LOXL1: variants seen among roughly 807,000 people sequenced by gnomAD.
LOXL1 encodes the protein lysyl oxidase like 1, also known as lysyl oxidase homolog 1.
A neutral mutation model predicts 62.2 loss-of-function variants in LOXL1; 31 were observed. The ratio of observed to expected loss-of-function variants is 0.50; its 90% CI spans 0.37 to 0.67. The LOEUF (loss-of-function observed/expected upper bound fraction) is 0.67, where lower values mean the gene tolerates loss of function less well. LOXL1 is among the 30% of genes least tolerant of loss of function. The pLI, the probability that LOXL1 is intolerant of heterozygous loss-of-function variation, is 0.00. For missense variants in LOXL1, 775 were observed against 843.4 expected (o/e 0.92, Z 1.00); for synonymous variants, 403 against 384.4 (o/e 1.05, Z -0.56).
chr15:73,942,032 A>AG, intron 1 of LOXL1: 1 of 180,418 alleles, frequency 5.5e-6, no homozygotes, highest in South Asian at 7.3e-5. Context: ...CAGGCCTTGC[A>AG]GGGGAGAGAG....
intron 2 of LOXL1, among the ~76,000 whole-genome samples, chr15:73,944,687 T>G (rs11638420): frequency 1.8e-3 from 279 of 152,312 alleles, no homozygotes; most frequent in Non-Finnish European, 3.1e-3. Flanking sequence ...ATTCCAAGTC[T>G]CACCACCAGT....
intron 1 of LOXL1, among the ~76,000 whole-genome samples, chr15:73,936,908 T>A (rs1712912976): frequency 1.3e-5 from 2 of 152,262 alleles, no homozygotes; most frequent in Non-Finnish European, 2.9e-5. Context: ...GGGAATGAAC[T>A]GAACAGCTCC....
chr15:73,926,662 C>T lies in LOXL1; in HGVS notation c.-122C>T. The T allele has an allele frequency of 1.7e-6, 2 of 1,180,304 alleles. No individual in the cohort carries two copies. Among genetic ancestry groups the T allele is most frequent in the Non-Finnish European group, 2.2e-6 (2 of 903,166 alleles). The allele number at this position is 1,180,304 out of a possible 1,614,324, so 73.1% of individuals were successfully genotyped here. A position where few individuals can be genotyped will look rare whatever the true frequency, so the allele number is the denominator to read the frequency against. Reference sequence around the variant, plus strand: ...CCGCTCGGGACAAGGCCAGCATGGACAAAGCTAGAGCTGGGGCAAGCAAGG... The same window carrying T: ...CCGCTCGGGACAAGGCCAGCATGGATAAAGCTAGAGCTGGGGCAAGCAAGG... On this transcript the variant is annotated 5_prime_UTR_variant, in exon 1 of 7. The change creates a premature stop within an existing upstream ORF in the 5' untranslated region. Transcript: ENST00000261921.
At chr15:73,928,269 C>G (rs2068607111) in intron 1 of LOXL1, 1 of 191,728 alleles carries the variant, frequency 5.2e-6, no homozygotes, top group Admixed American at 6.1e-5. Context: ...TCTCCTTCCC[C>G]CCTTAGAGAT....
chr15:73,948,899 G>A (rs1048449141), intron 5 of LOXL1, among the ~76,000 whole-genome samples: 5 of 152,202 alleles, frequency 3.3e-5, no homozygotes, highest in African/African-American at 1.2e-4. Flanking sequence ...GTTCTTAGAT[G>A]TTCTGCAAAT....
intron 1 of LOXL1, among the ~76,000 whole-genome samples, chr15:73,931,597 G>C (rs1480170440): frequency 1.3e-5 from 2 of 152,050 alleles, no homozygotes; most frequent in African/African-American, 4.8e-5. Flanking sequence ...CACATGCAAG[G>C]GTGTTTCTAG....
chr15:73,942,777 A>G, intron 1 of LOXL1, 77 bp from the exon 2 acceptor site: 1 of 882,398 alleles, frequency 1.1e-6, no homozygotes, highest in Non-Finnish European at 1.9e-6. Flanking sequence ...GTCTCTGGGC[A>G]TTAGCAGTGG....
At chr15:73,940,634 TC>T (rs1267824769) in intron 1 of LOXL1, among the ~76,000 whole-genome samples, 1 of 151,810 alleles carries the variant, frequency 6.6e-6, no homozygotes, top group Admixed American at 6.6e-5. Flanking sequence ...TGGTGTGTGA[TC>T]AGGGTCAAGG....
intron 6 of LOXL1, among the ~76,000 whole-genome samples, chr15:73,951,325 A>C (rs1227689175): frequency 6.6e-6 from 1 of 152,128 alleles, no homozygotes; most frequent in Non-Finnish European, 1.5e-5. Flanking sequence ...CCTTCCTTCC[A>C]AGAGCTCTTT....
rs772006440 is a variant in LOXL1, at chr15:73,927,232, G to C, written c.449G>C (p.Arg150Pro). 6.3e-7 allele frequency: 1 copy of C among 1,596,990 alleles called. No individual in the cohort carries two copies. Among genetic ancestry groups the C allele is most frequent in the Non-Finnish European group, 8.5e-7 (1 of 1,176,426 alleles). Residue 150 changes from arginine (R) to proline (P), a missense_variant, in exon 1 of 7, where the codon CGG (arginine) becomes CCG (proline). Coordinates refer to ENST00000261921, the MANE Select transcript of LOXL1 (RefSeq NM_005576.4). ...ARARTSVSQQ[R>P]HGGSASSVSA... ...GCCCGCACCTCCGTCTCCCAGCAAC[G>C]GCACGGGGGCTCCGCCTCCTCGGTC...
Position 73,927,107 on chromosome 15 carries a change from G to C in LOXL1, c.324G>C (p.Ser108=), listed in dbSNP as rs1387850445. The C allele has an allele frequency of 5.2e-6, 7 of 1,343,904 alleles. No homozygotes were observed. Among genetic ancestry groups the C allele is most frequent in the Middle Eastern group, 2.5e-4 (1 of 4,072 alleles). The allele number at this position is 1,343,904 out of a possible 1,614,324, so 83.2% of individuals were successfully genotyped here. A position where few individuals can be genotyped will look rare whatever the true frequency, so the allele number is the denominator to read the frequency against. Residue 108 remains serine, a synonymous_variant, in exon 1 of 7, where the codon TCG becomes TCC. Coordinates refer to ENST00000261921, the MANE Select transcript of LOXL1 (RefSeq NM_005576.4). ...PSLPLPGRVG[S]DTVRGQARHP... is the part of the protein sequence containing the mutation. ...TGCCCCTGCCGGGGCGCGTGGGCTC[G>C]GACACCGTGCGCGGCCAGGCGCGGC...
chr15:73,951,930 A>G lies in LOXL1; in HGVS notation c.*93A>G. On this transcript the variant is annotated 3_prime_UTR_variant, in exon 7 of 7. Coordinates refer to ENST00000261921, the MANE Select transcript of LOXL1 (RefSeq NM_005576.4). ...CGCCGAGGGGCCCAGCCCCCAACCC[A>G]CAGGCACGGAGGGGCATCCCTCCCT... is the stretch of plus-strand genomic sequence containing the variant. The G allele has an allele frequency of 8.2e-7, 1 of 1,212,636 alleles. No homozygotes were observed. The highest frequency in any genetic ancestry group is 1.1e-6 in the Non-Finnish European group (1 of 921,922). The allele number at this position is 1,212,636 out of a possible 1,614,324, so 75.1% of individuals were successfully genotyped here.
Position 73,926,844 on chromosome 15 carries a change from GT to G in LOXL1, c.62del (p.Val21GlyfsTer22). On this transcript the variant is annotated frameshift_variant, in exon 1 of 7. Transcript: ENST00000261921. LOFTEE classifies it high-confidence loss of function. ...CCTGGTGTGGGGCGCCTGCCTGTGCGTGCTGGTGCACGGGCAGCAGGCGCAG... is the reference window on the plus strand; with the variant it reads ...CCTGGTGTGGGGCGCCTGCCTGTGCGGCTGGTGCACGGGCAGCAGGCGCAG... Reference protein sequence around the residue: ...GALVWGACLCVLVHGQQAQPG... With the variant: ...GALVWGACLCXLVHGQQAQPG... The G allele has an allele frequency of 6.5e-7, 1 of 1,541,246 alleles. No individual in the cohort carries two copies. Among genetic ancestry groups the G allele is most frequent in the Non-Finnish European group, 8.8e-7 (1 of 1,142,626 alleles).
chr15:73,927,743 G>C lies in LOXL1; in HGVS notation c.960G>C (p.Ala320=). Residue 320 remains alanine (A), a synonymous_variant, in exon 1 of 7, where the codon GCG becomes GCC. Coordinates refer to ENST00000261921, the MANE Select transcript of LOXL1 (RefSeq NM_005576.4). ...CCTACGCCAACCCGCCGCCCGAGGC[G>C]TACGGGCCGCCGCGCGCGCTGGAGC... The part of the protein sequence containing the change: ...YPPYANPPPE[A]YGPPRALEPP... The C allele has an allele frequency of 6.9e-7, 1 of 1,455,796 alleles. No individual in the cohort carries two copies. The highest frequency in any genetic ancestry group is 9.0e-7 in the Non-Finnish European group (1 of 1,110,508). 90.2% of individuals were successfully genotyped at this position (1,455,796 alleles called of 1,614,324 possible).
In LOXL1 at chr15:73,928,021, C is replaced by A. The variant is rs545016561; in HGVS notation, c.1102+136C>A. 41 of 739,698 alleles carry A rather than the reference C, an allele frequency of 5.5e-5. No homozygotes were observed. In the African/African-American group the frequency reaches 6.4e-4, roughly 12 times the overall value. The allele number at this position is 739,698 out of a possible 1,614,324, so 45.8% of individuals were successfully genotyped here. On this transcript the variant is annotated intron_variant, in intron 1 of 6. Transcript: ENST00000261921. The stretch of plus-strand genomic sequence containing the variant: ...CTAAGCACGGAGCAGCGCCCCCTCC[C>A]GACTTCCCCCGACCCAGCCAACAGC...
intron 6 of LOXL1, among the ~76,000 whole-genome samples, chr15:73,951,507 CT>C (rs1340317734): frequency 6.7e-6 from 1 of 150,004 alleles, no homozygotes; most frequent in East Asian, 1.9e-4. Context: ...AAAAAGGAGG[CT>C]TAAAAAAAAA....
At chr15:73,941,192 T>C (rs2068711317) in intron 1 of LOXL1, among the ~76,000 whole-genome samples, 1 of 152,122 alleles carries the variant, frequency 6.6e-6, no homozygotes, top group Non-Finnish European at 1.5e-5. Flanking sequence ...CAAACATTCC[T>C]AGGGGCTCAA....
chr15:73,937,637 G>T (rs907033610), intron 1 of LOXL1, among the ~76,000 whole-genome samples: 1 of 152,256 alleles, frequency 6.6e-6, no homozygotes, highest in African/African-American at 2.4e-5. Flanking sequence ...AGAAGTGGAA[G>T]AATGGAGGCC....
intron 1 of LOXL1, among the ~76,000 whole-genome samples, chr15:73,937,649 T>C (rs1325142118): frequency 6.6e-6 from 1 of 152,228 alleles, no homozygotes. Flanking sequence ...ATGGAGGCCA[T>C]GAAGCCTGAA....
Sources: allele counts gnomAD v4.1 joint callset (sites outside exome capture counted in the v4.1 genomes callset), GRCh38; gene constraint gnomAD v4.1.1; transcripts MANE v1.5; gene names NCBI Gene and HGNC (gene_info 2026-07-23, HGNC 2026-07-21).